Variants in IGSF3 observed in about 807,000 individuals in gnomAD.
The protein encoded by IGSF3 is glu-Trp-Ile EWI motif-containing protein 3.
In IGSF3, 23 loss-of-function variants were observed where a neutral mutation model predicts 114.4. That is an observed-to-expected ratio of 0.20 (90% CI 0.14 to 0.28). The LOEUF is 0.28. IGSF3 is among the 10% of genes least tolerant of loss of function. The pLI, the probability that IGSF3 is intolerant of heterozygous loss-of-function variation, is 1.00. For missense variants in IGSF3, 1,172 were observed against 1,591.5 expected (o/e 0.74, Z 4.48); for synonymous variants, 571 against 645.2 (o/e 0.88, Z 1.74).
rs1649277928 is a variant in IGSF3 at position 116,665,118 on chromosome 1, T to A, written c.43+1166A>T. Among the ~76,000 whole-genome samples, 1 of 152,238 alleles carries A rather than the reference T, an allele frequency of 6.6e-6. No homozygotes were observed. Among genetic ancestry groups the A allele is most frequent in the South Asian group, 2.1e-4 (1 of 4,830 alleles). On this transcript the variant is annotated intron_variant, in intron 2 of 10. Coordinates refer to ENST00000369486, the MANE Select transcript of IGSF3 (RefSeq NM_001007237.3). The surrounding 1 kb of genome is among the most constrained non-coding windows in gnomAD (Gnocchi z 4.0). ...ACCTTCCCTTGTTTTATTGTTTCTG[T>A]TTTATTGACATTCAGATGTCAATCA... is the stretch of plus-strand genomic sequence containing the variant.
chr1:116,609,410 G>T (rs1660926174), intron 4 of IGSF3, among the ~76,000 whole-genome samples: 1 of 151,938 alleles, frequency 6.6e-6, no homozygotes, highest in Non-Finnish European at 1.5e-5. Context: ...GTTGAGTTGG[G>T]TGCTTAACCA....
In IGSF3 at chr1:116,585,158, G is replaced by A; in HGVS notation, c.2441-106C>T. The A allele has an allele frequency of 1.3e-6, 1 of 793,374 alleles. No homozygotes were observed. The highest frequency in any genetic ancestry group is 2.0e-6 in the Non-Finnish European group (1 of 507,280). 49.1% of individuals were successfully genotyped at this position (793,374 alleles called of 1,614,324 possible). A position where few individuals can be genotyped will look rare whatever the true frequency, so the allele number is the denominator to read the frequency against. ...GATGCCTTCCAAATACAGAAGGACG[G>A]CAGCACACACTCCATTAGGAGAAAC... On this transcript the variant is annotated intron_variant, in intron 8 of 10. Coordinates refer to ENST00000369486, the MANE Select transcript of IGSF3 (RefSeq NM_001007237.3). The surrounding 1 kb of genome is among the most constrained non-coding windows in gnomAD (Gnocchi z 4.9).
In IGSF3 at chr1:116,612,562, G is replaced by T. The variant is rs1661063303; in HGVS notation, c.832+1203C>A. On this transcript the variant is annotated intron_variant, in intron 4 of 10. Transcript: ENST00000369486. The surrounding 1 kb of genome is among the most constrained non-coding windows in gnomAD (Gnocchi z 4.1). ...GAGTCTGAAGCATTACTCTAGAATG[G>T]CAGAGAAAGTATGCAAAGACCCAGA... Among the ~76,000 whole-genome samples the T allele has an allele frequency of 6.6e-6, 1 of 152,198 alleles. No homozygotes were observed. The highest frequency in any genetic ancestry group is 2.1e-4 in the South Asian group (1 of 4,834).
In IGSF3 at chr1:116,608,243, C is replaced by T. The variant is rs1332913966; in HGVS notation, c.921G>A (p.Gln307=). ...CAGCAAAGTAACGGTCGGGAACATT[C>T]TGAGCCTCCAGGATGCATCTGAACT... The part of the protein sequence containing the change: ...PVEFRCILEA[Q]NVPDRYFAVS... Residue 307 remains glutamine (Q), a synonymous_variant, in exon 5 of 11, where the codon CAG becomes CAA. Transcript: ENST00000369486. The T allele has an allele frequency of 6.2e-7, 1 of 1,611,350 alleles. No individual in the cohort carries two copies. The highest frequency in any genetic ancestry group is 1.3e-5 in the African/African-American group (1 of 74,992).
At chr1:116,656,324 G>A (rs867965631) in intron 2 of IGSF3, among the ~76,000 whole-genome samples, 7 of 124,312 alleles carry the variant, frequency 5.6e-5, no homozygotes, top group East Asian at 2.3e-4. Flanking sequence ...TTTTTTTGAC[G>A]GAGTCTCACT....
rs1304288851 is a variant in IGSF3 at position 116,584,797 on chromosome 1, C to A, written c.2696G>T (p.Gly899Val). 1 of 1,614,248 alleles carries A rather than the reference C, an allele frequency of 6.2e-7. No homozygotes were observed. The highest frequency in any genetic ancestry group is 8.5e-7 in the Non-Finnish European group (1 of 1,180,050). The stretch of plus-strand genomic sequence containing the variant: ...GTTCTGGATGAAGAGACGGTACACG[C>A]CGGGGGAAGGACTCTCCAAATGCAG... ...GRLHLESPSP[G>V]VYRLFIQNVA... Residue 899 changes from glycine (G) to valine (V), a missense_variant, in exon 9 of 11, where the codon GGC (glycine) becomes GTC (valine). Physicochemically the swap from Gly to Val is moderately radical, Grantham distance 109. This residue lies in a region of IGSF3 where 423 missense variants were observed against 509.8 expected (regional missense o/e 0.83). Transcript: ENST00000369486. The surrounding 1 kb of genome is among the most constrained non-coding windows in gnomAD (Gnocchi z 5.8).
At chr1:116,590,328 G>A (rs1010749255) in intron 7 of IGSF3, among the ~76,000 whole-genome samples, 6 of 151,396 alleles carry the variant, frequency 4.0e-5, no homozygotes, top group East Asian at 1.9e-4. Flanking sequence ...CATTAACCTC[G>A]GCTCTGCATT....
Position 116,584,034 on chromosome 1 carries a change from C to T in IGSF3, c.2848+611G>A, listed in dbSNP as rs1488429398. Among the ~76,000 whole-genome samples, 4 of 152,116 alleles carry T rather than the reference C, an allele frequency of 2.6e-5. No homozygotes were observed. In the East Asian group the frequency reaches 7.7e-4, roughly 29 times the overall value. On this transcript the variant is annotated intron_variant, in intron 9 of 10. Transcript: ENST00000369486. This position sits in a 1 kb window ranked among gnomAD's most constrained non-coding sequence, Gnocchi z 5.8. ...TGAAACCCCGTCTCTACTAAAAATA[C>T]ACAAATTAGCCGGGTGTGGTGGCAT...
intron 1 of IGSF3, 102 bp downstream of exon 1, chr1:116,667,516 G>GCCCGCTCCCCCCTC: frequency 2.7e-5 from 4 of 149,894 alleles, no homozygotes; most frequent in Non-Finnish European, 4.5e-5. Context: ...GCCGGCGCGG[G>GCCCGCTCCCCCCTC]CCCGCTCCCC....
rs1660366099 is a variant in IGSF3 at position 116,596,886 on chromosome 1, G to T, written c.2029+3055C>A. 6.6e-6 allele frequency among the ~76,000 whole-genome samples: 1 copy of T among 152,172 alleles called. No individual in the cohort carries two copies. The highest frequency in any genetic ancestry group is 2.4e-5 in the African/African-American group (1 of 41,440). ...ATGGATTAAGAAACGAGGAACCAAAGCATTCACAGTGGTTTACAAGAAATG... is the reference window on the plus strand; with the variant it reads ...ATGGATTAAGAAACGAGGAACCAAATCATTCACAGTGGTTTACAAGAAATG... On this transcript the variant is annotated intron_variant, in intron 7 of 10. Transcript: ENST00000369486. The surrounding 1 kb of genome is among the most constrained non-coding windows in gnomAD (Gnocchi z 4.1).
chr1:116,604,312 T>C (rs549066120), intron 5 of IGSF3, among the ~76,000 whole-genome samples: 5 of 152,260 alleles, frequency 3.3e-5, no homozygotes, highest in South Asian at 4.1e-4. Context: ...AAATACAACA[T>C]AGTGGCATGA....
chr1:116,644,067 C>T lies in IGSF3; in HGVS notation c.43+22217G>A, dbSNP rs1237442423. On this transcript the variant is annotated intron_variant, in intron 2 of 10. Transcript: ENST00000369486. The surrounding 1 kb of genome is among the most constrained non-coding windows in gnomAD (Gnocchi z 5.6). ...GTGACAATCCCTTAGAAAGGGGTCC[C>T]ACGCTGTCCATCTGGGCCCCTACAC... Among the ~76,000 whole-genome samples, 2 of 152,218 alleles carry T rather than the reference C, an allele frequency of 1.3e-5. No individual in the cohort carries two copies. The highest frequency in any genetic ancestry group is 2.9e-5 in the Non-Finnish European group (2 of 68,048).
intron 8 of IGSF3, among the ~76,000 whole-genome samples, chr1:116,587,509 C>G: frequency 6.6e-6 from 1 of 152,094 alleles, no homozygotes; most frequent in Non-Finnish European, 1.5e-5. Context: ...TTAGGGTGAT[C>G]AAGGAAAGCA....
chr1:116,603,756 T>G lies in IGSF3; in HGVS notation c.1492A>C (p.Ile498Leu). Residue 498 changes from isoleucine (I) to leucine (L), a missense_variant, in exon 6 of 11, where the codon ATC (isoleucine) becomes CTC (leucine). By Grantham distance (5) the Ile-to-Leu change is conservative. Transcript: ENST00000369486. The surrounding 1 kb of genome is among the most constrained non-coding windows in gnomAD (Gnocchi z 7.1). ...TCGTCCTCCTTCCTGCTGTTGAAGA[T>G]GCCCAGGCTGAACGAGTTGGGCTGC... ...QVQPNSFSLG[I>L]FNSRKEDEGQ... 6.2e-7 allele frequency: 1 copy of G among 1,614,030 alleles called. No homozygotes were observed. Among genetic ancestry groups the G allele is most frequent in the Admixed American group, 1.7e-5 (1 of 60,026 alleles).
At chr1:116,611,989 C>A (rs1435044038) in intron 4 of IGSF3, among the ~76,000 whole-genome samples, 1 of 152,158 alleles carries the variant, frequency 6.6e-6, no homozygotes, top group Non-Finnish European at 1.5e-5. Context: ...ACTGCTGAAC[C>A]TAAACAGCAC....
At chr1:116,597,383 G>A (rs1231577734) in intron 7 of IGSF3, among the ~76,000 whole-genome samples, 1 of 152,166 alleles carries the variant, frequency 6.6e-6, no homozygotes, top group Non-Finnish European at 1.5e-5. Context: ...AAGCTCTCTG[G>A]AAAATATTAA....
At chr1:116,667,004 C>A in intron 1 of IGSF3, 48 bp from the exon 2 acceptor site, 1 of 398,848 alleles carries the variant, frequency 2.5e-6, no homozygotes, top group East Asian at 3.6e-5. Context: ...AGCTGCAAAA[C>A]CCACTGGGGC....
Position 116,637,556 on chromosome 1 carries a change from A to G in IGSF3, c.44-21099T>C, listed in dbSNP as rs1418084001. On this transcript the variant is annotated intron_variant, in intron 2 of 10. Coordinates refer to ENST00000369486, the MANE Select transcript of IGSF3 (RefSeq NM_001007237.3). ...AAGTGGCCTGACCAGCTTGTGGACA[A>G]GGATGAAGCAAGCAGACGACCTTCT... 5.3e-5 allele frequency among the ~76,000 whole-genome samples: 8 copies of G among 152,170 alleles called. No individual in the cohort carries two copies. The East Asian group carries it at 1.5e-3, about 29-fold the overall frequency.
chr1:116,637,851 C>T (rs1282132786), intron 2 of IGSF3, among the ~76,000 whole-genome samples: 2 of 152,282 alleles, frequency 1.3e-5, no homozygotes, highest in East Asian at 1.9e-4. Context: ...TGAGTGTGAC[C>T]TCTACTTTCA....
Sources: gnomAD v4.1 joint callset for allele counts (sites outside exome capture counted in the v4.1 genomes callset) on GRCh38, gnomAD v4.1.1 for gene constraint, gnomAD v4.1.1 regional missense constraint, Gnocchi (gnomAD v3.1) non-coding constraint, MANE v1.5 for transcripts, NCBI Gene and HGNC (gene_info 2026-07-23, HGNC 2026-07-21) for gene names.